TRIP10: variants seen among roughly 807,000 people sequenced by gnomAD.
The protein encoded by TRIP10 is thyroid hormone receptor interactor 10, also known as cdc42-interacting protein 4.
In TRIP10, 54 loss-of-function variants were observed where a neutral mutation model predicts 80.9. The ratio of observed to expected loss-of-function variants is 0.67; its 90% CI spans 0.54 to 0.84. The LOEUF (loss-of-function observed/expected upper bound fraction) is 0.84, where lower values mean the gene tolerates loss of function less well. Ranked by LOEUF, TRIP10 falls within the 40% of genes least tolerant of loss-of-function variation. The pLI is 0.00. For missense variants in TRIP10, 773 were observed against 815.3 expected (o/e 0.95, Z 0.63); for synonymous variants, 321 against 307.2 (o/e 1.04, Z -0.47).
At position 6,746,576 on chromosome 19, in the gene TRIP10, T is replaced by C; in HGVS notation, c.1262+15T>C. On this transcript the variant is annotated intron_variant, in intron 11 of 14. Transcript: ENST00000313244. This position sits in a 1 kb window ranked among gnomAD's most constrained non-coding sequence, Gnocchi z 6.2. ...GTTGACCAGAGGTAAGGTGGTGGGG[T>C]AGGGAAGGACAGGCAAGGAACATGA... is the stretch of plus-strand genomic sequence containing the variant. The C allele has an allele frequency of 6.2e-7, 1 of 1,601,796 alleles. No homozygotes were observed. Among genetic ancestry groups the C allele is most frequent in the African/African-American group, 1.3e-5 (1 of 74,766 alleles).
chr19:6,745,782 C>T lies in TRIP10; in HGVS notation c.985-247C>T. The T allele has an allele frequency of 1.0e-6, 1 of 985,356 alleles. No homozygotes were observed. The highest frequency in any genetic ancestry group is 1.2e-6 in the Non-Finnish European group (1 of 829,924). The allele number at this position is 985,356 out of a possible 1,614,324, so 61.0% of individuals were successfully genotyped here. A position where few individuals can be genotyped will look rare whatever the true frequency, so the allele number is the denominator to read the frequency against. On this transcript the variant is annotated intron_variant, in intron 9 of 14. Transcript: ENST00000313244. The surrounding 1 kb of genome is among the most constrained non-coding windows in gnomAD (Gnocchi z 7.2). ...GCTTTCGGGCTTACAGTTCAACATC[C>T]TCCCCGCCACCTTCCAGATTTTTTT...
Position 6,742,915 on chromosome 19 carries a change from G to A in TRIP10, c.198-52G>A, listed in dbSNP as rs927529446. On this transcript the variant is annotated intron_variant, in intron 3 of 14. Transcript: ENST00000313244. ...GAGGTGCGTCCTGGGGCATCAGCCT[G>A]CTCGGGAGGAGGGGCCTGACTCCCT... 4.4e-6 allele frequency: 7 copies of A among 1,601,250 alleles called. No individual in the cohort carries two copies. The African/African-American group carries it at 5.3e-5, about 12-fold the overall frequency.
Position 6,744,826 on chromosome 19 carries a change from C to T in TRIP10, c.816C>T (p.His272=), listed in dbSNP as rs1393257924. The T allele has an allele frequency of 1.9e-6, 3 of 1,614,114 alleles. No individual in the cohort carries two copies. Among genetic ancestry groups the T allele is most frequent in the Admixed American group, 1.7e-5 (1 of 60,026 alleles). ...ACTCCCACGTCCTTATAGAGCTGCA[C>T]AAGTCAGGTTTTGCCCGCCCGGGCG... ...KNDSHVLIEL[H]KSGFARPGDV... is the part of the protein sequence containing the mutation. The change falls in exon 9 of 15, where the codon CAC becomes CAT. Residue 272 remains histidine, a synonymous_variant. Coordinates refer to ENST00000313244, the MANE Select transcript of TRIP10 (RefSeq NM_001288962.2). The surrounding 1 kb of genome is among the most constrained non-coding windows in gnomAD (Gnocchi z 4.9).
rs767005473 is a variant in TRIP10, at chr19:6,744,671, G to C, written c.760G>C (p.Val254Leu). ...AGCCAAGTGCTTGGAGGGCATGAAG[G>C]TGGCTGCAAATGCTGTGGATCCCAA... ...IIAKCLEGMK[V>L]AANAVDPKND... Residue 254 changes from valine (V) to leucine (L), a missense_variant, in exon 8 of 15, where the codon GTG becomes CTG. Coordinates refer to ENST00000313244, the MANE Select transcript of TRIP10 (RefSeq NM_001288962.2). The surrounding 1 kb of genome is among the most constrained non-coding windows in gnomAD (Gnocchi z 4.9). The C allele has an allele frequency of 6.2e-7, 1 of 1,609,102 alleles. No homozygotes were observed. Among genetic ancestry groups the C allele is most frequent in the Admixed American group, 1.7e-5 (1 of 59,424 alleles).
chr19:6,747,580 G>A (rs1020438271), intron 11 of TRIP10, among the ~76,000 whole-genome samples: 10 of 152,124 alleles, frequency 6.6e-5, no homozygotes, highest in African/African-American at 2.4e-4. Context: ...ATCACGTGAG[G>A]TCAGGAGTTC....
In TRIP10 at chr19:6,751,064, G is replaced by T. The variant is rs761554725; in HGVS notation, c.1659G>T (p.Gly553=). ...GGCCCACCCCCACCCCCATCACAGG[G>T]TCCAGCGAGGGCACTATCTCTATGG... ...GHCVAIYHFE[G]SSEGTISMAE... is the part of the protein sequence containing the mutation. Residue 553 remains glycine, a splice_region_variant and synonymous_variant, in exon 15 of 15, where the codon GGG becomes GGT. Coordinates refer to ENST00000313244, the MANE Select transcript of TRIP10 (RefSeq NM_001288962.2). 6.4e-7 allele frequency: 1 copy of T among 1,562,360 alleles called. No homozygotes were observed. The highest frequency in any genetic ancestry group is 8.7e-7 in the Non-Finnish European group (1 of 1,150,366).
chr19:6,746,251 G>A lies in TRIP10; in HGVS notation c.1152+55G>A, dbSNP rs1037604217. ...GGTGGCCCTAGCCTGCCCAGCGGCG[G>A]GTGGCGGGACCCTGGGCTCGCTTCC... On this transcript the variant is annotated intron_variant, in intron 10 of 14. Coordinates refer to ENST00000313244, the MANE Select transcript of TRIP10 (RefSeq NM_001288962.2). The surrounding 1 kb of genome is among the most constrained non-coding windows in gnomAD (Gnocchi z 6.2). The A allele has an allele frequency of 6.7e-7, 1 of 1,484,548 alleles. No individual in the cohort carries two copies. The highest frequency in any genetic ancestry group is 1.4e-5 in the African/African-American group (1 of 71,268). The allele number at this position is 1,484,548 out of a possible 1,614,324, so 92.0% of individuals were successfully genotyped here.
In TRIP10 at chr19:6,750,400, A is replaced by G. The variant is rs751324162; in HGVS notation, c.1504A>G (p.Ser502Gly). The change falls in exon 13 of 15, where the codon AGC (serine) becomes GGC (glycine). Residue 502 changes from serine (S) to glycine (G), a missense_variant. Coordinates refer to ENST00000313244, the MANE Select transcript of TRIP10 (RefSeq NM_001288962.2). ...CGCTAGCGCCCCGCCAGACAGCAGC[A>G]GCAACAGCGCATCACAGGACACCAA... is the stretch of plus-strand genomic sequence containing the variant. ...PPASAPPDSS[S>G]NSASQDTKES... is the part of the protein sequence containing the mutation. 4 of 1,614,044 alleles carry G rather than the reference A, an allele frequency of 2.5e-6. No homozygotes were observed. The highest frequency in any genetic ancestry group is 1.7e-5 in the Admixed American group (1 of 60,000).
Position 6,747,804 on chromosome 19 carries a change from AT to A in TRIP10, c.1262+1244del, listed in dbSNP as rs1568254941. Among the ~76,000 whole-genome samples the A allele has an allele frequency of 5.3e-5, 8 of 151,686 alleles. No homozygotes were observed. In the East Asian group the frequency reaches 1.4e-3, roughly 26 times the overall value. On this transcript the variant is annotated intron_variant, in intron 11 of 14. Transcript: ENST00000313244. ...CGAGTCTCTACCTCAAATAATAATA[AT>A]AATAATAATAATACATTAGCCGAGC...
rs374331392 is a variant in TRIP10, at chr19:6,746,692, G to A, written c.1262+131G>A. On this transcript the variant is annotated intron_variant, in intron 11 of 14. Coordinates refer to ENST00000313244, the MANE Select transcript of TRIP10 (RefSeq NM_001288962.2). This position sits in a 1 kb window ranked among gnomAD's most constrained non-coding sequence, Gnocchi z 6.2. The stretch of plus-strand genomic sequence containing the variant: ...TTTTGTGACAGGGTCTTAGTCTGTC[G>A]TCCAGGCTGGAGTGCAGTGCTGTGA... 35 of 541,744 alleles carry A rather than the reference G, an allele frequency of 6.5e-5. No homozygotes were observed. Among genetic ancestry groups the A allele is most frequent in the East Asian group, 1.1e-4 (2 of 18,018 alleles). 33.6% of individuals were successfully genotyped at this position (541,744 alleles called of 1,614,324 possible).
Position 6,745,146 on chromosome 19 carries a change from C to CGGACTGGAGGGAAGGAAGGCGGGCA in TRIP10, c.984+154_984+155insACTGGAGGGAAGGAAGGCGGGCAGG, listed in dbSNP as rs71309647. The CGGACTGGAGGGAAGGAAGGCGGGCA allele has an allele frequency of 1.8e-6, 2 of 1,122,194 alleles. No homozygotes were observed. Among genetic ancestry groups the CGGACTGGAGGGAAGGAAGGCGGGCA allele is most frequent in the African/African-American group, 1.6e-5 (1 of 62,742 alleles). 69.5% of individuals were successfully genotyped at this position (1,122,194 alleles called of 1,614,324 possible). On this transcript the variant is annotated intron_variant, in intron 9 of 14. Transcript: ENST00000313244. The surrounding 1 kb of genome is among the most constrained non-coding windows in gnomAD (Gnocchi z 7.2). Reference sequence around the variant, plus strand: ...CAGCCCGGACTGGAGGGAAGGAAGGCGGCCGATTGGCCTGGGAGTCCCCCG... The same window carrying CGGACTGGAGGGAAGGAAGGCGGGCA: ...CAGCCCGGACTGGAGGGAAGGAAGGCGGACTGGAGGGAAGGAAGGCGGGCAGGCCGATTGGCCTGGGAGTCCCCCG...
rs1268875399 is a variant in TRIP10, at chr19:6,751,181, C to T, written c.1776C>T (p.Pro592=). ...AAGAGGGAGGCGAGGGCTACGTGCCCACCTCCTACCTCCGAGTCACGCTCA... is the reference window on the plus strand; with the variant it reads ...AAGAGGGAGGCGAGGGCTACGTGCCTACCTCCTACCTCCGAGTCACGCTCA... The part of the protein sequence containing the change: ...RRKEGGEGYV[P]TSYLRVTLN Residue 592 remains proline (P), a synonymous_variant, in exon 15 of 15, where the codon CCC becomes CCT. Coordinates refer to ENST00000313244, the MANE Select transcript of TRIP10 (RefSeq NM_001288962.2). The T allele has an allele frequency of 2.0e-5, 33 of 1,613,824 alleles. No individual in the cohort carries two copies. The highest frequency in any genetic ancestry group is 2.7e-5 in the Non-Finnish European group (32 of 1,179,976).
chr19:6,743,358 C>A, intron 5 of TRIP10, 102 bp downstream of exon 5: 2 of 1,539,160 alleles, frequency 1.3e-6, no homozygotes, highest in African/African-American at 1.4e-5. Context: ...CTGGACCTTC[C>A]CTCCCCCATA....
chr19:6,747,661 C>T (rs1337124629), intron 11 of TRIP10, among the ~76,000 whole-genome samples: 2 of 151,660 alleles, frequency 1.3e-5, no homozygotes, highest in Non-Finnish European at 2.9e-5. Flanking sequence ...GGCATTGTGG[C>T]ACGCGCCTGT....
chr19:6,751,031 C>G, intron 14 of TRIP10, 32 bp from the exon 15 acceptor site: 1 of 1,494,400 alleles, frequency 6.7e-7, no homozygotes. Context: ...TTGCCTAAAG[C>G]AGATCTGGGC....
rs1259221286 is a variant in TRIP10 at position 6,743,625 on chromosome 19, G to A, written c.513+27G>A. 8 of 1,295,406 alleles carry A rather than the reference G, an allele frequency of 6.2e-6. No individual in the cohort carries two copies. In the Admixed American group the frequency reaches 7.5e-5, roughly 12 times the overall value. 80.2% of individuals were successfully genotyped at this position (1,295,406 alleles called of 1,614,324 possible). On this transcript the variant is annotated intron_variant, in intron 6 of 14. Coordinates refer to ENST00000313244, the MANE Select transcript of TRIP10 (RefSeq NM_001288962.2). ...TGTGTGTGGCGGGGGCGGGGGGGGG[G>A]TGCGGGGTCTGGGACAAGCTTGGGG...
In TRIP10 at chr19:6,743,797, A is replaced by C. The variant is rs1244180740; in HGVS notation, c.603A>C (p.Gln201His). 6.2e-7 allele frequency: 1 copy of C among 1,614,062 alleles called. No homozygotes were observed. The highest frequency in any genetic ancestry group is 2.2e-5 in the East Asian group (1 of 44,892). ...AACTGCAGCGCTTCAACCGAGACCA[A>C]GCCCACTTCTATTTTTCACAGATGC... ...AAQLQRFNRD[Q>H]AHFYFSQMPQ... is the part of the protein sequence containing the mutation. The change falls in exon 7 of 15, where the codon CAA (glutamine) becomes CAC (histidine). Residue 201 changes from glutamine (Q) to histidine (H), a missense_variant. By Grantham distance (24) the Gln-to-His change is conservative (BLOSUM62 0). Coordinates refer to ENST00000313244, the MANE Select transcript of TRIP10 (RefSeq NM_001288962.2).
Position 6,745,597 on chromosome 19 carries a change from A to G in TRIP10, c.985-432A>G, listed in dbSNP as rs1969093908. On this transcript the variant is annotated intron_variant, in intron 9 of 14. Coordinates refer to ENST00000313244, the MANE Select transcript of TRIP10 (RefSeq NM_001288962.2). This position sits in a 1 kb window ranked among gnomAD's most constrained non-coding sequence, Gnocchi z 7.2. ...TTATTTTTGTCCTCTGTGGCCTCTT[A>G]CCTGTCTGAGACCTTGATTCCTGCA... 1.0e-6 allele frequency: 1 copy of G among 984,776 alleles called. No homozygotes were observed. The highest frequency in any genetic ancestry group is 1.2e-6 in the Non-Finnish European group (1 of 829,824). 61.0% of individuals were successfully genotyped at this position (984,776 alleles called of 1,614,324 possible).
rs1968969022 is a variant in TRIP10 at position 6,743,051 on chromosome 19, C to T, written c.282C>T (p.Leu94=). 12 of 1,614,162 alleles carry T rather than the reference C, an allele frequency of 7.4e-6. No homozygotes were observed. The highest frequency in any genetic ancestry group is 9.3e-6 in the Non-Finnish European group (11 of 1,180,036). The change falls in exon 4 of 15, where the codon CTC becomes CTT. Residue 94 remains leucine, a synonymous_variant. Transcript: ENST00000313244. ...AGCGGGAGCTGGTGGCTGAGAACCT[C>T]AGTGTCCGTGTATGTCTTGAGCTGA... ...AGQRELVAEN[L]SVRVCLELTK...
Sources: allele counts gnomAD v4.1 joint callset (sites outside exome capture counted in the v4.1 genomes callset), GRCh38; gene constraint gnomAD v4.1.1; non-coding constraint Gnocchi (gnomAD v3.1); transcripts MANE v1.5; gene names NCBI Gene and HGNC (gene_info 2026-07-23, HGNC 2026-07-21).